Variants in ADAMTS20 observed in about 807,000 individuals in gnomAD.
ADAMTS20 encodes the protein ADAM metallopeptidase with thrombospondin type 1 motif 20, also known as A disintegrin and metalloproteinase with thrombospondin motifs 20.
Under a neutral mutation model 260.1 loss-of-function variants are expected in ADAMTS20, and 225 were observed. The observed-to-expected ratio is 0.87, with a 90% CI of 0.78 to 0.97. The LOEUF is 0.97. ADAMTS20 is among the 50% of genes least tolerant of loss of function. The pLI is 0.00. For missense variants in ADAMTS20, 2,400 were observed against 2,337.7 expected, an observed-to-expected ratio of 1.03 and a Z score of -0.55; for synonymous variants, 802 against 769.5, an observed-to-expected ratio of 1.04 and a Z score of -0.70.
intron 3 of ADAMTS20, among the ~76,000 whole-genome samples, chr12:43,528,807 C>G (rs908222280): frequency 1.3e-5 from 2 of 151,886 alleles, no homozygotes; most frequent in African/African-American, 2.4e-5. Context: ...ATAAATGGAA[C>G]TTGAATAATC....
At chr12:43,452,026 A>G (rs1941872980) in intron 14 of ADAMTS20, among the ~76,000 whole-genome samples, 1 of 152,026 alleles carries the variant, frequency 6.6e-6, no homozygotes, top group South Asian at 2.1e-4. Flanking sequence ...TTTGATTATG[A>G]GTACAATAGA....
intron 37 of ADAMTS20, among the ~76,000 whole-genome samples, chr12:43,363,495 C>T (rs2137189724): frequency 6.6e-6 from 1 of 152,254 alleles, no homozygotes; most frequent in South Asian, 2.1e-4. Flanking sequence ...GGGATTACTG[C>T]CATGACTCAG....
chr12:43,384,040 C>G, intron 29 of ADAMTS20, 63 bp from the exon 30 acceptor site: 2 of 1,414,246 alleles, frequency 1.4e-6, no homozygotes, highest in African/African-American at 1.4e-5. Flanking sequence ...ATAAAAGTAG[C>G]CAATGGAGCC....
chr12:43,369,966 A>T (rs1940071639), intron 36 of ADAMTS20, among the ~76,000 whole-genome samples: 1 of 152,166 alleles, frequency 6.6e-6, no homozygotes, highest in Non-Finnish European at 1.5e-5. Flanking sequence ...AAGTATCAAA[A>T]ATAGAGCCAT....
chr12:43,374,123 C>T (rs1940169502), intron 36 of ADAMTS20, among the ~76,000 whole-genome samples: 1 of 152,036 alleles, frequency 6.6e-6, no homozygotes, highest in Non-Finnish European at 1.5e-5. Flanking sequence ...AGTCACAGAG[C>T]TGATAAATAA....
chr12:43,426,847 A>G (rs1490194990), intron 27 of ADAMTS20, among the ~76,000 whole-genome samples: 1 of 152,204 alleles, frequency 6.6e-6, no homozygotes, highest in Non-Finnish European at 1.5e-5. Context: ...AAAATCTAGA[A>G]TATGCATTTT....
chr12:43,459,254 T>C (rs1238874974), intron 11 of ADAMTS20, among the ~76,000 whole-genome samples: 1 of 152,182 alleles, frequency 6.6e-6, no homozygotes, highest in Non-Finnish European at 1.5e-5. Context: ...GTGCTCCTGA[T>C]CCAGCGAGAT....
At chr12:43,428,012 T>A (rs1941365249) in intron 26 of ADAMTS20, among the ~76,000 whole-genome samples, 1 of 152,204 alleles carries the variant, frequency 6.6e-6, no homozygotes, top group African/African-American at 2.4e-5. Flanking sequence ...AATCAGATTG[T>A]TTTACAGTAC....
intron 32 of ADAMTS20, 72 bp from the exon 33 acceptor site, chr12:43,376,725 T>C (rs1940238270): frequency 6.6e-7 from 1 of 1,517,942 alleles, no homozygotes; most frequent in Admixed American, 2.1e-5. Context: ...AGTCTCCTTT[T>C]CTTAGACCAG....
At chr12:43,426,055 A>G (rs1166238848) in intron 27 of ADAMTS20, among the ~76,000 whole-genome samples, 1 of 152,202 alleles carries the variant, frequency 6.6e-6, no homozygotes, top group East Asian at 1.9e-4. Flanking sequence ...CATTAATTAC[A>G]TAATGTACAA....
In ADAMTS20 at chr12:43,376,257, G is replaced by A. The variant is rs759040839; in HGVS notation, c.5199C>T (p.Asn1733=). The A allele has an allele frequency of 1.4e-5, 22 of 1,551,914 alleles. No individual in the cohort carries two copies. The South Asian group carries it at 2.5e-4, about 18-fold the overall frequency. ...HIRKDGDYYL[N]IKGRIIKIYC... ...ATACCTTTATTATTCTTCCCTTAATGTTAAGGTAATAGTCACCATCCTTTC... is the reference window on the plus strand; with the variant it reads ...ATACCTTTATTATTCTTCCCTTAATATTAAGGTAATAGTCACCATCCTTTC... The change falls in exon 34 of 39, where the codon AAC becomes AAT. Residue 1733 remains asparagine, a synonymous_variant. Coordinates refer to ENST00000389420, the MANE Select transcript of ADAMTS20 (RefSeq NM_025003.5).
At position 43,411,020 on chromosome 12, in the gene ADAMTS20, TAA is replaced by T. The variant is rs1201613922; in HGVS notation, c.4285-11789_4285-11788del. On this transcript the variant is annotated intron_variant, in intron 28 of 38. Transcript: ENST00000389420. Reference sequence around the variant, plus strand: ...GAAAACTGCAATTTTAAAGATATGATAAAAAGAGAGGGAAAAACATATCTTAA... The same window carrying T: ...GAAAACTGCAATTTTAAAGATATGATAAAGAGAGGGAAAAACATATCTTAA... 2.6e-5 allele frequency among the ~76,000 whole-genome samples: 4 copies of T among 152,122 alleles called. No homozygotes were observed. The East Asian group carries it at 7.7e-4, about 29-fold the overall frequency.
At chr12:43,449,875 G>A (rs191025474) in intron 14 of ADAMTS20, among the ~76,000 whole-genome samples, 1 of 152,236 alleles carries the variant, frequency 6.6e-6, no homozygotes, top group East Asian at 1.9e-4. Context: ...TAAAAAGACA[G>A]TATCCCAGAT....
chr12:43,543,313 GA>G (rs891720903), intron 2 of ADAMTS20, among the ~76,000 whole-genome samples: 13 of 151,492 alleles, frequency 8.6e-5, no homozygotes, highest in Non-Finnish European at 1.6e-4. Context: ...TTGTCTCAAA[GA>G]AAAAAAAGAA....
In ADAMTS20 at chr12:43,428,476, T is replaced by C. The variant is rs142615522; in HGVS notation, c.3710A>G (p.Tyr1237Cys). ...GTAATTCTCATCAATTGGCTGATGGTAGTTCATGCATAAAACTTGTCGAGT... is the reference window on the plus strand; with the variant it reads ...GTAATTCTCATCAATTGGCTGATGGCAGTTCATGCATAAAACTTGTCGAGT... ...KTTRQVLCMN[Y>C]HQPIDENYCD... Residue 1237 changes from tyrosine to cysteine, a missense_variant, in exon 26 of 39, where the codon TAC becomes TGC. By Grantham distance (194) the Tyr-to-Cys change is radical. Transcript: ENST00000389420. The C allele has an allele frequency of 4.8e-5, 77 of 1,613,942 alleles. No individual in the cohort carries two copies. In the Middle Eastern group the frequency reaches 4.9e-4, roughly 10 times the overall value.
intron 16 of ADAMTS20, among the ~76,000 whole-genome samples, chr12:43,441,088 A>C (rs150302696): frequency 1.5e-4 from 23 of 150,716 alleles, no homozygotes; most frequent in South Asian, 8.4e-4. Context: ...CAAAAAAAAA[A>C]CTCTAGGGTC....
In ADAMTS20 at chr12:43,439,963, A is replaced by C; in HGVS notation, c.2397T>G (p.Ser799Arg). The C allele has an allele frequency of 6.2e-7, 1 of 1,601,052 alleles. No homozygotes were observed. The highest frequency in any genetic ancestry group is 8.5e-7 in the Non-Finnish European group (1 of 1,172,498). The change falls in exon 17 of 39, where the codon AGT (serine) becomes AGG (arginine). Residue 799 changes from serine (S) to arginine (R), a missense_variant. By Grantham distance (110) the Ser-to-Arg change is moderately radical (BLOSUM62 -1). Transcript: ENST00000389420. ...VQGTRTVIEYSGSNNAVERIN... is the reference protein window; with the variant it reads ...VQGTRTVIEYRGSNNAVERIN... Reference sequence around the variant, plus strand: ...TTCTTTCAACTGCGTTATTTGATCCACTGTATTCAATAACAGTTCTTGTTC... The same window carrying C: ...TTCTTTCAACTGCGTTATTTGATCCCCTGTATTCAATAACAGTTCTTGTTC...
At chr12:43,432,101 C>A (rs1032732083) in intron 21 of ADAMTS20, among the ~76,000 whole-genome samples, 1 of 152,164 alleles carries the variant, frequency 6.6e-6, no homozygotes, top group Non-Finnish European at 1.5e-5. Context: ...AATCCACCCA[C>A]CTCAGTTTCC....
intron 11 of ADAMTS20, among the ~76,000 whole-genome samples, chr12:43,461,864 G>C (rs969815646): frequency 6.6e-6 from 1 of 152,086 alleles, no homozygotes; most frequent in Admixed American, 6.6e-5. Context: ...TTCAAAGCCA[G>C]CTGAACTGAA....
Sources: gnomAD v4.1 joint callset for allele counts (sites outside exome capture counted in the v4.1 genomes callset) on GRCh38, gnomAD v4.1.1 for gene constraint, MANE v1.5 for transcripts, NCBI Gene and HGNC (gene_info 2026-07-23, HGNC 2026-07-21) for gene names.